Variants in SLC14A2 observed in about 807,000 individuals in gnomAD.
SLC14A2 encodes the protein urea transporter 2.
SLC14A2 carries 91 observed loss-of-function variants against 104.6 expected under a neutral mutation model. That is an observed-to-expected ratio of 0.87 (90% CI 0.73 to 1.04). The LOEUF is 1.04. Ranked by LOEUF, SLC14A2 falls within the 50% of genes least tolerant of loss-of-function variation. SLC14A2 has a pLI of 0.00. For missense variants in SLC14A2, 1,189 were observed against 1,156.0 expected, an observed-to-expected ratio of 1.03 and a Z score of -0.41; for synonymous variants, 476 against 466.4, an observed-to-expected ratio of 1.02 and a Z score of -0.27.
At chr18:45,201,573 T>TGTGTGTGA in the SLC14A2 span, among the ~76,000 whole-genome samples, 1 of 151,914 alleles carries the variant, frequency 6.6e-6, no homozygotes, top group Non-Finnish European at 1.5e-5. Context: ...TGTGTGTGTG[T>TGTGTGTGA]GTGATTAAAT....
intron 2 of SLC14A2, among the ~76,000 whole-genome samples, chr18:45,579,495 C>G (rs990834175): frequency 1.3e-5 from 2 of 152,156 alleles, no homozygotes; most frequent in African/African-American, 4.8e-5. Flanking sequence ...GCTTTATAGG[C>G]TAGTTATTTT....
chr18:45,379,891 T>G (rs2085815396), intron 1 of SLC14A2, among the ~76,000 whole-genome samples: 1 of 152,222 alleles, frequency 6.6e-6, no homozygotes, highest in Non-Finnish European at 1.5e-5. Context: ...AATTCTTCCC[T>G]GAGTAGCTAA....
At chr18:45,276,926 A>G (rs957447313) in intron 1 of SLC14A2, among the ~76,000 whole-genome samples, 7 of 152,176 alleles carry the variant, frequency 4.6e-5, no homozygotes, top group African/African-American at 1.7e-4. Flanking sequence ...ACTTAAAACC[A>G]ATCTCTCTTT....
chr18:45,195,681 C>T, the SLC14A2 span, among the ~76,000 whole-genome samples: 15 of 152,252 alleles, frequency 9.9e-5, no homozygotes, highest in Middle Eastern at 6.8e-3. Flanking sequence ...TGAGCCACTG[C>T]GCCTGGCTGG....
chr18:45,390,101 C>T (rs1208964022), intron 1 of SLC14A2, among the ~76,000 whole-genome samples: 1 of 152,154 alleles, frequency 6.6e-6, no homozygotes, highest in East Asian at 1.9e-4. Context: ...GCCATAGGCC[C>T]TGGAACTGCA....
chr18:45,240,324 T>C (rs1307336204), intron 1 of SLC14A2, among the ~76,000 whole-genome samples: 1 of 151,932 alleles, frequency 6.6e-6, no homozygotes, highest in African/African-American at 2.4e-5. Context: ...CTTGATCTCC[T>C]GACCTCGTGA....
At chr18:45,483,899 A>G (rs1372025576) in intron 2 of SLC14A2, among the ~76,000 whole-genome samples, 2 of 152,212 alleles carry the variant, frequency 1.3e-5, no homozygotes, top group African/African-American at 4.8e-5. Flanking sequence ...AAAGCTGCTC[A>G]AGATGGATGC....
chr18:45,621,592 C>G (rs1004352539), intron 1 of SLC14A2, among the ~76,000 whole-genome samples: 6 of 152,182 alleles, frequency 3.9e-5, no homozygotes, highest in African/African-American at 9.7e-5. Context: ...CTTCCTCCCC[C>G]CCACCTCTTC....
intron 10 of SLC14A2, among the ~76,000 whole-genome samples, chr18:45,657,204 GCT>G (rs1156658419): frequency 1.3e-5 from 2 of 152,176 alleles, no homozygotes; most frequent in Non-Finnish European, 2.9e-5. Flanking sequence ...GGGCACAGTG[GCT>G]CACGCCTGTA....
intron 1 of SLC14A2, among the ~76,000 whole-genome samples, chr18:45,285,799 C>T (rs2084809291): frequency 7.0e-6 from 1 of 142,524 alleles, no homozygotes; most frequent in East Asian, 2.0e-4. Context: ...CAGGGCGAGG[C>T]CTGTGTGGTC....
upstream of SLC14A2, among the ~76,000 whole-genome samples, chr18:45,612,649 TG>T (rs1447507372): frequency 6.6e-6 from 1 of 152,218 alleles, no homozygotes; most frequent in Non-Finnish European, 1.5e-5. Context: ...ACAGAGAGGT[TG>T]TGGGGCTTCC....
intron 2 of SLC14A2, among the ~76,000 whole-genome samples, chr18:45,604,467 T>C (rs529998073): frequency 6.6e-6 from 1 of 152,296 alleles, no homozygotes; most frequent in Admixed American, 6.5e-5. Context: ...TTAAAACCCA[T>C]TGAAAATATA....
intron 2 of SLC14A2, among the ~76,000 whole-genome samples, chr18:45,502,352 A>G (rs2043211640): frequency 6.6e-6 from 1 of 152,210 alleles, no homozygotes; most frequent in Non-Finnish European, 1.5e-5. Context: ...TGAGAACATA[A>G]GCTCCTCCAG....
Position 45,225,483 on chromosome 18 carries a change from T to G in SLC14A2, c.-125+12292T>G, listed in dbSNP as rs544416399. ...TTGTCTTGGCAATGTGGGCTCATTT[T>G]TGGTTCCATATGAACTTTAAGGTAG... is the stretch of plus-strand genomic sequence containing the variant. On this transcript the variant is annotated intron_variant, in intron 1 of 20. Coordinates refer to the SLC14A2 transcript ENST00000586448. Among the ~76,000 whole-genome samples, 6 of 152,336 alleles carry G rather than the reference T, an allele frequency of 3.9e-5. No individual in the cohort carries two copies. The South Asian group carries it at 1.2e-3, about 32-fold the overall frequency.
intron 1 of SLC14A2, among the ~76,000 whole-genome samples, chr18:45,274,754 C>A (rs984485727): frequency 6.6e-6 from 1 of 152,226 alleles, no homozygotes; most frequent in Non-Finnish European, 1.5e-5. Context: ...GAGTCTGGCC[C>A]ACTTAATTCT....
intron 1 of SLC14A2, among the ~76,000 whole-genome samples, chr18:45,361,311 T>G (rs1280761938): frequency 6.6e-6 from 1 of 151,944 alleles, no homozygotes; most frequent in Non-Finnish European, 1.5e-5. Flanking sequence ...TATAAGGGGG[T>G]GGCCTTCTGC....
At chr18:45,183,928 T>TG in the SLC14A2 span, among the ~76,000 whole-genome samples, 3 of 136,488 alleles carry the variant, frequency 2.2e-5, no homozygotes, top group African/African-American at 8.2e-5. Context: ...TTTTTTTTTT[T>TG]TTTTTTGTGA....
intron 10 of SLC14A2, among the ~76,000 whole-genome samples, chr18:45,656,099 C>G (rs190029077): frequency 6.6e-6 from 1 of 152,286 alleles, no homozygotes; most frequent in Admixed American, 6.5e-5. Flanking sequence ...GTATTGAATA[C>G]TTTTTATGTG....
intron 1 of SLC14A2, among the ~76,000 whole-genome samples, chr18:45,216,080 A>G (rs2084008192): frequency 6.6e-6 from 1 of 152,234 alleles, no homozygotes; most frequent in South Asian, 2.1e-4. Flanking sequence ...AATGGGTCAG[A>G]AAATAAAAGA....
Sources: gnomAD v4.1 joint callset for allele counts (sites outside exome capture counted in the v4.1 genomes callset) on GRCh38, gnomAD v4.1.1 for gene constraint, MANE v1.5 for transcripts, NCBI Gene and HGNC (gene_info 2026-07-23, HGNC 2026-07-21) for gene names.